Variants in MCUB observed in about 807,000 individuals in gnomAD.
The protein encoded by MCUB is mitochondrial calcium uniporter dominant negative subunit beta.
A neutral mutation model predicts 41.4 loss-of-function variants in MCUB; 46 were observed. That is an observed-to-expected ratio of 1.11 (90% CI 0.88 to 1.42). The LOEUF is 1.42. Among genes scored for constraint, MCUB ranks in the 40% most tolerant of loss-of-function variants. The pLI is 0.00. For synonymous variants in MCUB, 148 were observed against 148.2 expected (o/e 1.00, Z 0.01); for missense variants, 403 against 404.9 (o/e 1.00, Z 0.04).
chr4:109,682,088 A>C (rs1299656112), intron 4 of MCUB, among the ~76,000 whole-genome samples: 1 of 152,114 alleles, frequency 6.6e-6, no homozygotes, highest in African/African-American at 2.4e-5. Context: ...GTTGGGTGTG[A>C]GCCAAGTTGC....
intron 1 of MCUB, among the ~76,000 whole-genome samples, chr4:109,579,833 T>C (rs547859156): frequency 6.6e-6 from 1 of 152,318 alleles, no homozygotes; most frequent in East Asian, 1.9e-4. Flanking sequence ...ATAGCAATTA[T>C]ATTAGAGAAG....
chr4:109,622,483 A>G (rs987345823), intron 1 of MCUB, among the ~76,000 whole-genome samples: 3 of 152,258 alleles, frequency 2.0e-5, no homozygotes, highest in African/African-American at 7.2e-5. Flanking sequence ...GTTAAAATCT[A>G]CTAAGAAAGA....
intron 1 of MCUB, among the ~76,000 whole-genome samples, chr4:109,634,731 G>T (rs933559836): frequency 5.3e-5 from 8 of 152,116 alleles, no homozygotes; most frequent in African/African-American, 1.9e-4. Context: ...TATTCATTGT[G>T]TGGTAGAAGT....
chr4:109,663,317 T>G (rs1296154898), intron 3 of MCUB, among the ~76,000 whole-genome samples: 4 of 152,270 alleles, frequency 2.6e-5, no homozygotes, highest in African/African-American at 9.6e-5. Context: ...TGAATTTGCT[T>G]TCTTAACACC....
rs1428355104 is a variant in MCUB, at chr4:109,660,341, A to G, written c.322A>G (p.Lys108Glu). ...QDLQNEDKGI[K>E]TAAIFTADGN... ...CCTACAAAATGAAGATAAGGGTATC[A>G]AAACTGCAGCCATCTTCACAGCAGG... The change falls in exon 3 of 8, where the codon AAA becomes GAA. Residue 108 changes from lysine to glutamate, a missense_variant. By Grantham distance (56) the Lys-to-Glu change is moderately conservative (BLOSUM62 1). Transcript: ENST00000394650. 2.6e-5 allele frequency: 42 copies of G among 1,606,946 alleles called. No individual in the cohort carries two copies. Among genetic ancestry groups the G allele is most frequent in the Non-Finnish European group, 2.7e-5 (32 of 1,174,276 alleles).
At chr4:109,610,741 C>CTGT (rs1727992629) in intron 1 of MCUB, among the ~76,000 whole-genome samples, 1 of 152,176 alleles carries the variant, frequency 6.6e-6, no homozygotes, top group Admixed American at 6.5e-5. Flanking sequence ...ATGGCATAGC[C>CTGT]TGTTACAAAC....
At chr4:109,630,310 A>AT (rs1728446925) in intron 1 of MCUB, among the ~76,000 whole-genome samples, 1 of 152,084 alleles carries the variant, frequency 6.6e-6, no homozygotes, top group Non-Finnish European at 1.5e-5. Context: ...AATAAAATAA[A>AT]AAACAGCCAG....
At chr4:109,650,536 A>G (rs1393517210) in intron 1 of MCUB, among the ~76,000 whole-genome samples, 3 of 152,198 alleles carry the variant, frequency 2.0e-5, no homozygotes, top group Admixed American at 1.3e-4. Context: ...ACAGTCTCAA[A>G]CATAACATAA....
chr4:109,678,041 G>A (rs1386300831), intron 4 of MCUB, among the ~76,000 whole-genome samples: 2 of 151,738 alleles, frequency 1.3e-5, no homozygotes, highest in African/African-American at 4.8e-5. Flanking sequence ...GCTGCCTTCA[G>A]GCATCTGTTT....
chr4:109,657,721 C>A (rs1054749268), intron 1 of MCUB, among the ~76,000 whole-genome samples: 2 of 152,228 alleles, frequency 1.3e-5, no homozygotes, highest in African/African-American at 4.8e-5. Context: ...ACACAGTGCA[C>A]CATGATATTA....
chr4:109,627,794 TC>T (rs2126137169), intron 1 of MCUB, among the ~76,000 whole-genome samples: 1 of 151,934 alleles, frequency 6.6e-6, no homozygotes, highest in Non-Finnish European at 1.5e-5. Flanking sequence ...GCACCTGTAA[TC>T]CCAGTTACTC....
chr4:109,677,988 G>C, intron 4 of MCUB, among the ~76,000 whole-genome samples: 1 of 151,678 alleles, frequency 6.6e-6, no homozygotes. Context: ...TTGTGTCCCT[G>C]GGTACTTGAG....
Position 109,687,657 on chromosome 4 carries a change from T to C in MCUB, c.*65T>C, listed in dbSNP as rs1284714645. Reference sequence around the variant, plus strand: ...TTGATTTTGCAACTTAGGATGTTTTTGAGTCCCATGGTTCATTTTGATTGT... The same window carrying C: ...TTGATTTTGCAACTTAGGATGTTTTCGAGTCCCATGGTTCATTTTGATTGT... On this transcript the variant is annotated 3_prime_UTR_variant, in exon 8 of 8. Transcript: ENST00000394650. 1.1e-6 allele frequency: 1 copy of C among 941,076 alleles called. No homozygotes were observed. Among genetic ancestry groups the C allele is most frequent in the East Asian group, 2.4e-5 (1 of 41,198 alleles). The allele number at this position is 941,076 out of a possible 1,614,324, so 58.3% of individuals were successfully genotyped here.
intron 1 of MCUB, among the ~76,000 whole-genome samples, chr4:109,573,480 G>A (rs1579044596): frequency 6.6e-6 from 1 of 151,778 alleles, no homozygotes; most frequent in African/African-American, 2.4e-5. Flanking sequence ...AAGAGTGGTA[G>A]AAACAAAACC....
At chr4:109,686,378 A>G (rs1729836642) in intron 7 of MCUB, among the ~76,000 whole-genome samples, 1 of 152,204 alleles carries the variant, frequency 6.6e-6, no homozygotes, top group South Asian at 2.1e-4. Context: ...ACCTCAAGTG[A>G]TCCACCTGCC....
At chr4:109,579,895 T>G (rs1214611198) in intron 1 of MCUB, among the ~76,000 whole-genome samples, 2 of 152,222 alleles carry the variant, frequency 1.3e-5, no homozygotes, top group Non-Finnish European at 2.9e-5. Flanking sequence ...TATTATTTTT[T>G]TATTATACTT....
At chr4:109,586,264 G>A (rs777177951) in intron 1 of MCUB, among the ~76,000 whole-genome samples, 5 of 152,164 alleles carry the variant, frequency 3.3e-5, no homozygotes, top group Non-Finnish European at 5.9e-5. Flanking sequence ...GCTTGTGTGT[G>A]TGTCACATGG....
intron 1 of MCUB, among the ~76,000 whole-genome samples, chr4:109,567,829 G>T (rs1242526385): frequency 6.6e-6 from 1 of 151,998 alleles, no homozygotes; most frequent in Non-Finnish European, 1.5e-5. Context: ...CTCCCAAGTA[G>T]CTGGGACTAC....
At chr4:109,564,194 G>A (rs1042045521) in intron 1 of MCUB, among the ~76,000 whole-genome samples, 30 of 151,480 alleles carry the variant, frequency 2.0e-4, no homozygotes, top group African/African-American at 6.1e-4. Flanking sequence ...GTGCAGTGGC[G>A]CAATCTCAGT....
Sources: gnomAD v4.1 joint callset for allele counts (sites outside exome capture counted in the v4.1 genomes callset) on GRCh38, gnomAD v4.1.1 for gene constraint, MANE v1.5 for transcripts, NCBI Gene and HGNC (gene_info 2026-07-23, HGNC 2026-07-21) for gene names.